CNBD1: variants seen among roughly 807,000 people sequenced by gnomAD.
CNBD1 encodes the protein cyclic nucleotide binding domain containing 1, also known as cyclic nucleotide-binding domain-containing protein 1.
CNBD1 carries 71 observed loss-of-function variants against 54.4 expected under a neutral mutation model. The ratio of observed to expected loss-of-function variants is 1.30; its 90% confidence interval spans 1.08 to 1.59. CNBD1 has a LOEUF of 1.59. Among genes scored for constraint, CNBD1 ranks in the 40% most tolerant of loss-of-function variants. CNBD1 has a pLI of 0.00. For missense variants in CNBD1, 659 were observed against 518.0 expected (o/e 1.27, Z -2.64); for synonymous variants, 182 against 170.7 (o/e 1.07, Z -0.51).
intron 4 of CNBD1, among the ~76,000 whole-genome samples, chr8:87,013,946 ATAT>A (rs1809277835): frequency 6.6e-6 from 1 of 151,758 alleles, no homozygotes; most frequent in East Asian, 1.9e-4. Flanking sequence ...GTGATGCAAC[ATAT>A]TATCAAAAAT....
chr8:87,171,166 C>T (rs1191249995), intron 4 of CNBD1, among the ~76,000 whole-genome samples: 1 of 152,058 alleles, frequency 6.6e-6, no homozygotes, highest in East Asian at 1.9e-4. Flanking sequence ...CTTTTCTTTG[C>T]TGGGAGACAT....
chr8:87,364,019 C>A (rs1303195488), intron 10 of CNBD1, among the ~76,000 whole-genome samples: 1 of 151,118 alleles, frequency 6.6e-6, no homozygotes, highest in Non-Finnish European at 1.5e-5. Flanking sequence ...CTTTGACAAC[C>A]ATTTGCTGGC....
intron 4 of CNBD1, among the ~76,000 whole-genome samples, chr8:87,039,980 G>A (rs1469916578): frequency 6.6e-6 from 1 of 152,196 alleles, no homozygotes; most frequent in Non-Finnish European, 1.5e-5. Flanking sequence ...TCTGGGTGGT[G>A]ACAGCTGATC....
Position 87,373,911 on chromosome 8 carries a change from A to G in CNBD1, c.1304-8709A>G, listed in dbSNP as rs961801642. On this transcript the variant is annotated intron_variant, in intron 10 of 10. Coordinates refer to ENST00000518476, the MANE Select transcript of CNBD1 (RefSeq NM_173538.3). ...ACTTGTTATCACATTCTATTTCATGATTAATTTAAATATTTGTATTGCAAA... is the reference window on the plus strand; with the variant it reads ...ACTTGTTATCACATTCTATTTCATGGTTAATTTAAATATTTGTATTGCAAA... Among the ~76,000 whole-genome samples, 3 of 151,812 alleles carry G rather than the reference A, an allele frequency of 2.0e-5. No homozygotes were observed. The South Asian group carries it at 6.2e-4, about 31-fold the overall frequency.
At chr8:86,943,823 G>T (rs934706194) in intron 4 of CNBD1, among the ~76,000 whole-genome samples, 2 of 152,036 alleles carry the variant, frequency 1.3e-5, no homozygotes, top group Non-Finnish European at 2.9e-5. Flanking sequence ...AAAAAGGGAA[G>T]GGGGGACAGA....
chr8:87,049,021 C>T (rs207469508), intron 4 of CNBD1, among the ~76,000 whole-genome samples: 11 of 152,180 alleles, frequency 7.2e-5, no homozygotes, highest in African/African-American at 1.9e-4. Context: ...GTAACCATCC[C>T]GAGGGCTGAA....
intron 2 of CNBD1, among the ~76,000 whole-genome samples, chr8:87,388,717 T>A (rs1007691156): frequency 3.3e-5 from 5 of 152,034 alleles, no homozygotes; most frequent in African/African-American, 9.7e-5. Context: ...TTCCAATCAA[T>A]AGAAAAAGAG....
At chr8:87,134,326 T>A (rs1305926271) in intron 4 of CNBD1, among the ~76,000 whole-genome samples, 1 of 152,112 alleles carries the variant, frequency 6.6e-6, no homozygotes, top group Admixed American at 6.6e-5. Flanking sequence ...CAGTACAGAT[T>A]GATGTTTTAG....
chr8:87,388,151 G>A lies in CNBD1; in HGVS notation c.213+34365G>A, dbSNP rs185291193. Among the ~76,000 whole-genome samples, 1,479 of 152,140 alleles carry A rather than the reference G, an allele frequency of 9.7e-3. 21 individuals carry two copies. Among genetic ancestry groups the A allele is most frequent in the African/African-American group, 0.033 (1,362 of 41,506 alleles). On this transcript the variant is annotated intron_variant, in intron 2 of 7. Coordinates refer to the CNBD1 transcript ENST00000521593. ...CACTAAATGCCCACAAGAGAAAGAA[G>A]GAAAGATCTAAAATTGACACCCTAA...
intron 5 of CNBD1, among the ~76,000 whole-genome samples, chr8:87,233,404 A>G (rs1001826903): frequency 1.1e-4 from 16 of 152,342 alleles, no homozygotes; most frequent in African/African-American, 3.6e-4. Flanking sequence ...TTCCCAGTGC[A>G]TATAAAACTT....
chr8:87,398,866 C>A (rs550820090), intron 2 of CNBD1, among the ~76,000 whole-genome samples: 4 of 151,982 alleles, frequency 2.6e-5, no homozygotes, highest in Non-Finnish European at 5.9e-5. Context: ...TATTTACTGA[C>A]CAAGACAGGC....
chr8:86,891,839 T>C (rs1808773199), intron 2 of CNBD1, among the ~76,000 whole-genome samples: 1 of 152,072 alleles, frequency 6.6e-6, no homozygotes. Flanking sequence ...CTATAGTAAA[T>C]AGAATTATTT....
intron 10 of CNBD1, among the ~76,000 whole-genome samples, chr8:87,380,723 C>A (rs1811056252): frequency 6.6e-6 from 1 of 151,886 alleles, no homozygotes; most frequent in South Asian, 2.1e-4. Context: ...GTAAACAAGT[C>A]TTTTACCTCC....
intron 4 of CNBD1, among the ~76,000 whole-genome samples, chr8:87,067,510 G>A (rs958117938): frequency 1.3e-5 from 2 of 151,862 alleles, no homozygotes; most frequent in Non-Finnish European, 2.9e-5. Context: ...GAGATACAGT[G>A]TTTCTATACA....
chr8:87,390,684 G>A (rs889561570), intron 2 of CNBD1, among the ~76,000 whole-genome samples: 1 of 152,122 alleles, frequency 6.6e-6, no homozygotes, highest in Admixed American at 6.6e-5. Context: ...TGAGTGTGAT[G>A]ATTCCTCAGG....
intron 6 of CNBD1, among the ~76,000 whole-genome samples, chr8:87,276,301 T>C (rs1808478762): frequency 6.6e-6 from 1 of 151,908 alleles, no homozygotes; most frequent in Non-Finnish European, 1.5e-5. Context: ...GTTTTTATTT[T>C]ATTTAAGGGA....
intron 4 of CNBD1, among the ~76,000 whole-genome samples, chr8:87,191,643 T>C (rs1813612327): frequency 1.3e-5 from 2 of 152,188 alleles, no homozygotes; most frequent in African/African-American, 2.4e-5. Flanking sequence ...AAATTAGAGA[T>C]ACATTTCATT....
chr8:87,063,946 A>G (rs1266673647), intron 4 of CNBD1, among the ~76,000 whole-genome samples: 1 of 151,898 alleles, frequency 6.6e-6, no homozygotes, highest in Non-Finnish European at 1.5e-5. Flanking sequence ...TTGTATACTG[A>G]CCTTATTTCT....
At position 87,144,316 on chromosome 8, in the gene CNBD1, A is replaced by C. The variant is rs189037518; in HGVS notation, c.432-61677A>C. The stretch of plus-strand genomic sequence containing the variant: ...ATTTTAAAATGAGTTTACTTTAGGA[A>C]ACACAATTACTAAGCATGGCAGAGA... On this transcript the variant is annotated intron_variant, in intron 4 of 10. Transcript: ENST00000518476. 2.9e-3 allele frequency among the ~76,000 whole-genome samples: 439 copies of C among 152,332 alleles called. 1 individual carries two copies. Among genetic ancestry groups the C allele is most frequent in the African/African-American group, 0.01 (424 of 41,582 alleles).
Sources: allele counts gnomAD v4.1 joint callset (sites outside exome capture counted in the v4.1 genomes callset), GRCh38; gene constraint gnomAD v4.1.1; transcripts MANE v1.5; gene names NCBI Gene and HGNC (gene_info 2026-07-23, HGNC 2026-07-21).